The following SHLD2 variants were observed in gnomAD, a reference collection of about 807,000 sequenced individuals.
SHLD2 encodes the protein shieldin complex subunit 2.
SHLD2 carries 30 observed loss-of-function variants against 73.2 expected under a neutral mutation model. That is an observed-to-expected ratio of 0.41 (90% CI 0.31 to 0.56). The LOEUF is 0.56. SHLD2 is among the 20% of genes least tolerant of loss of function. The pLI is 0.28. For synonymous variants in SHLD2, 285 were observed against 370.1 expected (o/e 0.77, Z 2.64); for missense variants, 745 against 1,055.9 (o/e 0.71, Z 4.08).
At chr10:87,094,597 G>C, upstream of SHLD2, 1 of 1,611,028 alleles carries the variant, frequency 6.2e-7, no homozygotes, top group Non-Finnish European at 8.5e-7. The surrounding 1 kb of genome is among the most constrained non-coding windows in gnomAD (Gnocchi z 6.6). Context: ...CTCGCGGTCG[G>C]CCACCGCCTC....
Position 87,179,546 on chromosome 10 carries a change from C to T in SHLD2, c.2171-529C>T, listed in dbSNP as rs1253536854. ...CCTCCCGAGTAGCTAGGACTACAGGCGCCAGCCACCGCGCCTGGCTAATTT... is the reference window on the plus strand; with the variant it reads ...CCTCCCGAGTAGCTAGGACTACAGGTGCCAGCCACCGCGCCTGGCTAATTT... On this transcript the variant is annotated intron_variant, in intron 7 of 9. Coordinates refer to ENST00000298786, the MANE Select transcript of SHLD2 (RefSeq NM_001330112.2). Among the ~76,000 whole-genome samples, 6 of 152,170 alleles carry T rather than the reference C, an allele frequency of 3.9e-5. No individual in the cohort carries two copies. The East Asian group carries it at 5.8e-4, about 15-fold the overall frequency.
At chr10:87,094,758 G>A (rs747036348), upstream of SHLD2, 1 of 1,539,652 alleles carries the variant, frequency 6.5e-7, no homozygotes, top group South Asian at 1.2e-5. The surrounding 1 kb of genome is among the most constrained non-coding windows in gnomAD (Gnocchi z 6.6). Flanking sequence ...CTTCGCCCAG[G>A]TAGCGGTACA....
At chr10:87,162,762 A>T (rs1186977437) in intron 4 of SHLD2, among the ~76,000 whole-genome samples, 4 of 152,200 alleles carry the variant, frequency 2.6e-5, no homozygotes, top group Non-Finnish European at 5.9e-5. Flanking sequence ...GAGAAATTCA[A>T]ATTAAAACTA....
intron 2 of SHLD2, among the ~76,000 whole-genome samples, chr10:87,127,537 C>CCCCGT (rs1481382137): frequency 1.7e-4 from 13 of 76,840 alleles, no homozygotes; most frequent in Non-Finnish European, 3.0e-4. Flanking sequence ...CCGCCCCCCC[C>CCCCGT]CACCCCGTCT....
rs370999329 is a variant in SHLD2 at position 87,166,728 on chromosome 10, A to G, written c.1634-3750A>G. On this transcript the variant is annotated intron_variant, in intron 4 of 9. Transcript: ENST00000298786. ...AATTTGATAAGATTATATGATATTT[A>G]TGTAGAAGAGTAAGTGGTTGAAAAC... is the stretch of plus-strand genomic sequence containing the variant. Among the ~76,000 whole-genome samples, 10 of 152,334 alleles carry G rather than the reference A, an allele frequency of 6.6e-5. No homozygotes were observed. In the East Asian group the frequency reaches 1.7e-3, roughly 26 times the overall value.
chr10:87,110,680 A>G (rs1842865955), intron 2 of SHLD2, among the ~76,000 whole-genome samples: 2 of 152,056 alleles, frequency 1.3e-5, no homozygotes, highest in African/African-American at 4.8e-5. Flanking sequence ...GCTTTCAAGA[A>G]TTATCATTTT....
intron 8 of SHLD2, among the ~76,000 whole-genome samples, chr10:87,182,902 G>T (rs2134720525): frequency 6.6e-6 from 1 of 151,676 alleles, no homozygotes; most frequent in Admixed American, 6.6e-5. Context: ...TTTCCTCAGA[G>T]CAGGAAAGGC....
At chr10:87,160,715 T>G (rs554745674) in intron 4 of SHLD2, among the ~76,000 whole-genome samples, 3 of 151,918 alleles carry the variant, frequency 2.0e-5, no homozygotes, top group Non-Finnish European at 2.9e-5. Flanking sequence ...TCTGGTCTGG[T>G]GCGGTGGCTC....
chr10:87,180,585 A>T (rs150677721), intron 8 of SHLD2, among the ~76,000 whole-genome samples: 8,824 of 152,244 alleles, frequency 0.058, 504 homozygotes, highest in African/African-American at 0.16. Flanking sequence ...TTTTAACCAA[A>T]ATCTAAATGC....
intron 2 of SHLD2, among the ~76,000 whole-genome samples, chr10:87,130,813 G>C (rs1480064256): frequency 6.6e-6 from 1 of 152,312 alleles, no homozygotes; most frequent in East Asian, 1.9e-4. Context: ...GCTCAGGCCT[G>C]TAATCCCAGA....
intron 6 of SHLD2, 62 bp from the exon 7 acceptor site, chr10:87,175,827 C>T (rs1218698864): frequency 1.3e-5 from 19 of 1,487,824 alleles, no homozygotes; most frequent in Non-Finnish European, 1.6e-5. Context: ...TCTATTTAAT[C>T]TGATACTAAG....
intron 9 of SHLD2, among the ~76,000 whole-genome samples, chr10:87,189,093 C>T (rs1848842865): frequency 6.6e-6 from 1 of 150,964 alleles, no homozygotes; most frequent in Non-Finnish European, 1.5e-5. Flanking sequence ...CCTCTGCCTC[C>T]TGGATTCAAG....
At chr10:87,106,201 C>T (rs952662913) in intron 2 of SHLD2, among the ~76,000 whole-genome samples, 6 of 152,164 alleles carry the variant, frequency 3.9e-5, no homozygotes, top group Admixed American at 2.0e-4. Context: ...GACGGGGTTT[C>T]ACCATGTTGG....
At chr10:87,172,259 T>G (rs1847641370) in intron 6 of SHLD2, among the ~76,000 whole-genome samples, 1 of 152,214 alleles carries the variant, frequency 6.6e-6, no homozygotes, top group South Asian at 2.1e-4. Flanking sequence ...AAGGATTACT[T>G]AAGTAATTCT....
intron 2 of SHLD2, among the ~76,000 whole-genome samples, chr10:87,101,341 A>T (rs903915426): frequency 6.6e-6 from 1 of 152,248 alleles, no homozygotes; most frequent in Non-Finnish European, 1.5e-5. Context: ...TTTCAAAATA[A>T]AATGTGTAAT....
At chr10:87,179,405 C>CTTT (rs60122400) in intron 7 of SHLD2, among the ~76,000 whole-genome samples, 2 of 142,624 alleles carry the variant, frequency 1.4e-5, no homozygotes, top group Admixed American at 7.0e-5. Flanking sequence ...TCCTATTTGG[C>CTTT]TTTTTTTTTT....
At chr10:87,160,119 A>G (rs1328339111) in intron 4 of SHLD2, among the ~76,000 whole-genome samples, 4 of 151,894 alleles carry the variant, frequency 2.6e-5, no homozygotes, top group Admixed American at 1.3e-4. Flanking sequence ...TACAATATCA[A>G]CAACAGGAAA....
At position 87,187,178 on chromosome 10, in the gene SHLD2, A is replaced by T. The variant is rs374971640; in HGVS notation, c.2493A>T (p.Ala831=). The part of the protein sequence containing the change: ...LIEKILLNIS[A]DCLNRVIVPS... ...AGAAGATTCTTCTCAACATTTCTGC[A>T]GACTGCCTCAACAGAGTGATAGGTA... The change falls in exon 9 of 10, where the codon GCA becomes GCT. Residue 831 remains alanine (A), a synonymous_variant. Transcript: ENST00000298786. The T allele has an allele frequency of 6.8e-6, 11 of 1,607,642 alleles. No homozygotes were observed. In the Admixed American group the frequency reaches 1.2e-4, roughly 17 times the overall value.
At chr10:87,153,438 A>G (rs1437966225) in intron 3 of SHLD2, among the ~76,000 whole-genome samples, 1 of 152,174 alleles carries the variant, frequency 6.6e-6, no homozygotes, top group African/African-American at 2.4e-5. Context: ...TGCTGTGCAC[A>G]TTGTATTTTT....
Sources: allele counts gnomAD v4.1 joint callset (sites outside exome capture counted in the v4.1 genomes callset), GRCh38; gene constraint gnomAD v4.1.1; non-coding constraint Gnocchi (gnomAD v3.1); transcripts MANE v1.5; gene names NCBI Gene and HGNC (gene_info 2026-07-23, HGNC 2026-07-21).